The following OXR1 variants were observed in gnomAD, a reference collection of about 807,000 sequenced individuals.
OXR1 encodes the protein oxidation resistance protein 1.
Under a neutral mutation model 104.6 loss-of-function variants are expected in OXR1, and 41 were observed. The observed-to-expected ratio is 0.39, with a 90% CI of 0.31 to 0.51. The LOEUF is 0.51. OXR1 is among the 20% of genes least tolerant of loss of function. The pLI is 0.77. For missense variants in OXR1, 955 were observed against 1,031.9 expected (o/e 0.93, Z 1.02); for synonymous variants, 348 against 348.4 (o/e 1.00, Z 0.01).
intron 3 of OXR1, among the ~76,000 whole-genome samples, chr8:106,645,673 G>A (rs909616652): frequency 6.6e-6 from 1 of 152,120 alleles, no homozygotes; most frequent in Non-Finnish European, 1.5e-5. Context: ...CTGCCTTTGG[G>A]CTGATTCACC....
intron 6 of OXR1, among the ~76,000 whole-genome samples, chr8:106,686,768 A>T (rs759851737): frequency 6.6e-6 from 1 of 152,338 alleles, no homozygotes; most frequent in South Asian, 2.1e-4. Context: ...CTTTGTCGGC[A>T]TAAAGACTTT....
intron 2 of OXR1, among the ~76,000 whole-genome samples, chr8:106,482,424 A>C (rs1822187638): frequency 6.6e-6 from 1 of 150,822 alleles, no homozygotes; most frequent in African/African-American, 2.4e-5. Flanking sequence ...GGGGAAAAAA[A>C]AAAAAGGCTC....
intron 2 of OXR1, among the ~76,000 whole-genome samples, chr8:106,430,035 G>T (rs1228432180): frequency 6.6e-6 from 1 of 152,140 alleles, no homozygotes. Flanking sequence ...GCCTGTGTGT[G>T]TGTGTGTCTG....
chr8:106,403,958 A>T lies in OXR1; in HGVS notation c.23+44322A>T, dbSNP rs117242131. On this transcript the variant is annotated intron_variant, in intron 2 of 16. Coordinates refer to ENST00000517566, the MANE Select transcript of OXR1 (RefSeq NM_001198533.2). Reference sequence around the variant, plus strand: ...TTGTTATAGATCTGCAAACAAAGAGATGTGAGAGGGGGAGGTTCTAAGGAG... The same window carrying T: ...TTGTTATAGATCTGCAAACAAAGAGTTGTGAGAGGGGGAGGTTCTAAGGAG... Among the ~76,000 whole-genome samples the T allele has an allele frequency of 7.6e-3, 1,154 of 152,204 alleles. 10 individuals carry two copies. The highest frequency in any genetic ancestry group is 0.026 in the South Asian group (126 of 4,820).
At chr8:106,292,931 C>G (rs1259317016) in intron 1 of OXR1, among the ~76,000 whole-genome samples, 8 of 152,212 alleles carry the variant, frequency 5.3e-5, no homozygotes, top group Admixed American at 5.2e-4. Flanking sequence ...GGGGGCAGGA[C>G]TAGAGCAGGG....
At chr8:106,722,280 G>A (rs1431101690) in intron 11 of OXR1, among the ~76,000 whole-genome samples, 1 of 151,904 alleles carries the variant, frequency 6.6e-6, no homozygotes, top group Non-Finnish European at 1.5e-5. Context: ...TGTGTATAAA[G>A]TCACTACATT....
intron 3 of OXR1, among the ~76,000 whole-genome samples, chr8:106,584,524 T>C (rs1279522503): frequency 6.6e-6 from 1 of 152,096 alleles, no homozygotes; most frequent in Non-Finnish European, 1.5e-5. Flanking sequence ...ATTCATTCAA[T>C]GGATCAAGAA....
rs898984409 is a variant in OXR1 at position 106,324,340 on chromosome 8, C to T, written c.-138-35136C>T. ...CTTATGAACACAAAGAAGGAAACAA[C>T]AGACCCTGGGGTCTACTTGAGGGAG... is the stretch of plus-strand genomic sequence containing the variant. On this transcript the variant is annotated intron_variant, in intron 1 of 16. Coordinates refer to ENST00000517566, the MANE Select transcript of OXR1 (RefSeq NM_001198533.2). Among the ~76,000 whole-genome samples the T allele has an allele frequency of 2.0e-5, 3 of 152,026 alleles. 1 individual carries two copies. Among genetic ancestry groups the T allele is most frequent in the Non-Finnish European group, 4.4e-5 (3 of 68,012 alleles).
rs552956628 is a variant in OXR1, at chr8:106,468,754, A to G, written c.24-50189A>G. 2.0e-5 allele frequency among the ~76,000 whole-genome samples: 3 copies of G among 151,946 alleles called. No homozygotes were observed. In the South Asian group the frequency reaches 6.2e-4, roughly 31 times the overall value. On this transcript the variant is annotated intron_variant, in intron 2 of 16. Transcript: ENST00000517566. ...ATTGTGGAACGGATTGCAGTTGGAC[A>G]AGAAAGAACACAGAGAGTCTAATAA... is the stretch of plus-strand genomic sequence containing the variant.
At chr8:106,521,332 T>G (rs1190849231) in intron 3 of OXR1, among the ~76,000 whole-genome samples, 4 of 152,138 alleles carry the variant, frequency 2.6e-5, no homozygotes, top group Non-Finnish European at 5.9e-5. Flanking sequence ...CACAACAGCT[T>G]GGACAGGTAA....
At chr8:106,636,886 T>C (rs564524462) in intron 3 of OXR1, among the ~76,000 whole-genome samples, 8 of 152,292 alleles carry the variant, frequency 5.3e-5, no homozygotes, top group Non-Finnish European at 1.5e-5. Flanking sequence ...CATTCTTAGA[T>C]GTGTATGATT....
intron 3 of OXR1, among the ~76,000 whole-genome samples, chr8:106,544,999 C>T (rs1378461225): frequency 1.3e-5 from 2 of 152,128 alleles, no homozygotes; most frequent in Non-Finnish European, 2.9e-5. Context: ...TTAAACTTGG[C>T]ACTAACGTCA....
intron 3 of OXR1, among the ~76,000 whole-genome samples, chr8:106,548,430 C>T (rs772535638): frequency 9.2e-5 from 14 of 152,142 alleles, no homozygotes; most frequent in Non-Finnish European, 1.9e-4. Flanking sequence ...TTATCTTTGC[C>T]TCCCTCTTGC....
At chr8:106,492,394 A>G (rs1811149830) in intron 2 of OXR1, among the ~76,000 whole-genome samples, 1 of 152,214 alleles carries the variant, frequency 6.6e-6, no homozygotes, top group Non-Finnish European at 1.5e-5. Flanking sequence ...TTTTGTGTCC[A>G]ATAGCCTCAG....
intron 7 of OXR1, chr8:106,697,357 G>A: frequency 8.9e-7 from 1 of 1,123,730 alleles, no homozygotes; most frequent in Non-Finnish European, 1.3e-6. Flanking sequence ...GAATGTCACT[G>A]CTAAAATATA....
chr8:106,413,442 A>G (rs1818542965), intron 2 of OXR1, among the ~76,000 whole-genome samples: 1 of 152,132 alleles, frequency 6.6e-6, no homozygotes, highest in South Asian at 2.1e-4. Context: ...AAGACTCTAA[A>G]ATCTTTGAAA....
chr8:106,521,539 G>A (rs912509090), intron 3 of OXR1, among the ~76,000 whole-genome samples: 27 of 152,156 alleles, frequency 1.8e-4, no homozygotes, highest in African/African-American at 5.8e-4. Flanking sequence ...TTGAGACGGA[G>A]TCTTGCTCTG....
intron 1 of OXR1, among the ~76,000 whole-genome samples, chr8:106,342,499 C>T (rs897089575): frequency 6.6e-6 from 1 of 152,140 alleles, no homozygotes; most frequent in Non-Finnish European, 1.5e-5. Flanking sequence ...AAGTGATCCA[C>T]CTGCCTCGGC....
intron 3 of OXR1, among the ~76,000 whole-genome samples, chr8:106,568,736 T>C (rs1817253731): frequency 1.3e-5 from 2 of 152,184 alleles, no homozygotes; most frequent in South Asian, 2.1e-4. Flanking sequence ...AAATTATTTT[T>C]GCTATTGTAT....
Sources: allele counts gnomAD v4.1 joint callset (sites outside exome capture counted in the v4.1 genomes callset), GRCh38; gene constraint gnomAD v4.1.1; transcripts MANE v1.5; gene names NCBI Gene and HGNC (gene_info 2026-07-23, HGNC 2026-07-21).